The following KLHL29 variants were observed in gnomAD, a reference collection of about 807,000 sequenced individuals.
KLHL29 encodes kelch-like protein 29.
Under a neutral mutation model 80.4 loss-of-function variants are expected in KLHL29, and 21 were observed. The observed-to-expected ratio is 0.26, with a 90% CI of 0.19 to 0.38. The LOEUF is 0.38. Ranked by LOEUF, KLHL29 falls within the 10% of genes least tolerant of loss-of-function variation. The pLI, the probability that KLHL29 is intolerant of heterozygous loss-of-function variation, is 1.00. For missense variants in KLHL29, 867 were observed against 1,223.9 expected, an observed-to-expected ratio of 0.71 and a Z score of 4.35; for synonymous variants, 511 against 526.8, an observed-to-expected ratio of 0.97 and a Z score of 0.41.
chr2:23,437,108 G>C (rs1431640828), intron 1 of KLHL29, among the ~76,000 whole-genome samples: 4 of 152,208 alleles, frequency 2.6e-5, no homozygotes, highest in Non-Finnish European at 5.9e-5. Context: ...GAAAGCCCGG[G>C]TTCAGCGGAA....
intron 1 of KLHL29, among the ~76,000 whole-genome samples, chr2:23,395,233 C>G (rs766313325): frequency 2.6e-5 from 4 of 152,144 alleles, no homozygotes; most frequent in Non-Finnish European, 5.9e-5. Flanking sequence ...CAGTCCAGAG[C>G]AGAGAGAACC....
In KLHL29 at chr2:23,457,114, C is replaced by T. The variant is rs1006600174; in HGVS notation, c.-153-18446C>T. Among the ~76,000 whole-genome samples, 1 of 152,212 alleles carries T rather than the reference C, an allele frequency of 6.6e-6. No individual in the cohort carries two copies. Among genetic ancestry groups the T allele is most frequent in the Non-Finnish European group, 1.5e-5 (1 of 68,042 alleles). ...TGTGCCAGGCCCTGTGCCTTCCCGA[C>T]GCCGGGGACTGGAGCTAGAGGCATC... is the stretch of plus-strand genomic sequence containing the variant. On this transcript the variant is annotated intron_variant, in intron 1 of 13. Transcript: ENST00000486442. This position sits in a 1 kb window ranked among gnomAD's most constrained non-coding sequence, Gnocchi z 4.3.
chr2:23,684,191 G>A lies in KLHL29; in HGVS notation c.941-208G>A, dbSNP rs553026922. Among the ~76,000 whole-genome samples, 338 of 152,034 alleles carry A rather than the reference G, an allele frequency of 2.2e-3. No individual in the cohort carries two copies. Among genetic ancestry groups the A allele is most frequent in the African/African-American group, 7.8e-3 (324 of 41,452 alleles). The stretch of plus-strand genomic sequence containing the variant: ...TGCTTTTTAAAGTTGTGATTCCTTT[G>A]GTTATTAGCCCCTCCCAGTGGCTGC... On this transcript the variant is annotated intron_variant, in intron 5 of 13. Transcript: ENST00000486442. This position sits in a 1 kb window ranked among gnomAD's most constrained non-coding sequence, Gnocchi z 4.4.
intron 2 of KLHL29, among the ~76,000 whole-genome samples, chr2:23,492,877 C>T (rs903722287): frequency 1.7e-4 from 26 of 152,096 alleles, no homozygotes; most frequent in African/African-American, 6.0e-4. Context: ...CGTAGCCTCA[C>T]GATACTACGA....
rs539731397 is a variant in KLHL29 at position 23,512,524 on chromosome 2, G to T, written c.-46+36857G>T. ...AAGGATTAAGCTAATTATAAAAGAA[G>T]TTTAGAATGATATCTGGAATATAAG... On this transcript the variant is annotated intron_variant, in intron 2 of 13. Transcript: ENST00000486442. Among the ~76,000 whole-genome samples, 4 of 152,242 alleles carry T rather than the reference G, an allele frequency of 2.6e-5. No homozygotes were observed. In the South Asian group the frequency reaches 8.3e-4, roughly 32 times the overall value.
chr2:23,494,043 C>G (rs1446083082), intron 2 of KLHL29, among the ~76,000 whole-genome samples: 1 of 152,168 alleles, frequency 6.6e-6, no homozygotes, highest in Non-Finnish European at 1.5e-5. Flanking sequence ...AAACACATGG[C>G]ATCTACTCAA....
At chr2:23,461,886 G>A (rs903748863) in intron 1 of KLHL29, among the ~76,000 whole-genome samples, 7 of 151,836 alleles carry the variant, frequency 4.6e-5, no homozygotes, top group East Asian at 1.9e-4. Flanking sequence ...AGTGACACCC[G>A]CTTCTGACCC....
chr2:23,695,605 G>C lies in KLHL29; in HGVS notation c.1543-18G>C. 2 of 1,520,370 alleles carry C rather than the reference G, an allele frequency of 1.3e-6. No individual in the cohort carries two copies. Among genetic ancestry groups the C allele is most frequent in the African/African-American group, 2.8e-5 (2 of 71,938 alleles). The allele number at this position is 1,520,370 out of a possible 1,614,324, so 94.2% of individuals were successfully genotyped here. On this transcript the variant is annotated intron_variant, in intron 8 of 13. Transcript: ENST00000486442. The surrounding 1 kb of genome is among the most constrained non-coding windows in gnomAD (Gnocchi z 7.6). ...TCTCTTGCTAGTCTAAGAAGATTCTGTCTCCTGTACCCTGCAGTACGCGGC... is the reference window on the plus strand; with the variant it reads ...TCTCTTGCTAGTCTAAGAAGATTCTCTCTCCTGTACCCTGCAGTACGCGGC...
intron 3 of KLHL29, among the ~76,000 whole-genome samples, chr2:23,576,468 C>T (rs1358941614): frequency 6.6e-6 from 1 of 152,068 alleles, no homozygotes; most frequent in Non-Finnish European, 1.5e-5. Flanking sequence ...TAGAAGGGAA[C>T]GTTATGAATA....
chr2:23,683,798 G>A (rs994516219), intron 5 of KLHL29, among the ~76,000 whole-genome samples: 5 of 152,104 alleles, frequency 3.3e-5, no homozygotes, highest in African/African-American at 9.7e-5. Flanking sequence ...TTGCTTTCCC[G>A]AAAAGTCCCC....
At chr2:23,476,129 C>A (rs893139942) in intron 2 of KLHL29, among the ~76,000 whole-genome samples, 2 of 152,192 alleles carry the variant, frequency 1.3e-5, no homozygotes, top group Middle Eastern at 6.8e-3. Flanking sequence ...CCCGCTTCAG[C>A]CTCCCAAAGC....
chr2:23,552,056 G>C (rs551785298), intron 2 of KLHL29, among the ~76,000 whole-genome samples: 1 of 152,238 alleles, frequency 6.6e-6, no homozygotes, highest in Non-Finnish European at 1.5e-5. Flanking sequence ...TGTGTGGTTA[G>C]GGCACTTCCC....
chr2:23,442,608 C>T lies in KLHL29; in HGVS notation c.-153-32952C>T, dbSNP rs529449174. Among the ~76,000 whole-genome samples the T allele has an allele frequency of 9.1e-4, 139 of 152,280 alleles. 3 individuals are homozygous for T. The South Asian group carries it at 0.018, about 20-fold the overall frequency. On this transcript the variant is annotated intron_variant, in intron 1 of 13. Coordinates refer to ENST00000486442, the MANE Select transcript of KLHL29 (RefSeq NM_052920.2). ...AGAAGGAACATCCCTGCCAACACTTCTACTTCAGCCAAGTGAGACTCTTGT... is the reference window on the plus strand; with the variant it reads ...AGAAGGAACATCCCTGCCAACACTTTTACTTCAGCCAAGTGAGACTCTTGT...
At chr2:23,393,144 T>C (rs1666361179) in intron 1 of KLHL29, among the ~76,000 whole-genome samples, 1 of 150,564 alleles carries the variant, frequency 6.6e-6, no homozygotes, top group Admixed American at 6.6e-5. Flanking sequence ...TACCGATGCA[T>C]AGCCTGGTGC....
At position 23,693,413 on chromosome 2, in the gene KLHL29, C is replaced by G. The variant is rs2149207694; in HGVS notation, c.1427C>G (p.Ser476Cys). 6.4e-7 allele frequency: 1 copy of G among 1,551,752 alleles called. No homozygotes were observed. Residue 476 changes from serine to cysteine, a missense_variant, in exon 8 of 14, where the codon TCC (serine) becomes TGC (cysteine). By Grantham distance (112) the Ser-to-Cys change is moderately radical. Transcript: ENST00000486442. ...VAAQEEILSI[S>C]KDDFIAYVSN... ...GCCCAGGAGGAGATCCTCAGCATCTCCAAGGACGACTTCATCGCCTACGTC... is the reference window on the plus strand; with the variant it reads ...GCCCAGGAGGAGATCCTCAGCATCTGCAAGGACGACTTCATCGCCTACGTC...
At chr2:23,517,386 T>C (rs1665969388) in intron 2 of KLHL29, among the ~76,000 whole-genome samples, 1 of 152,110 alleles carries the variant, frequency 6.6e-6, no homozygotes, top group East Asian at 1.9e-4. Flanking sequence ...CTACTAAAAA[T>C]AGAAAAATTA....
intron 1 of KLHL29, among the ~76,000 whole-genome samples, chr2:23,400,855 A>G (rs1309606998): frequency 1.3e-5 from 2 of 152,306 alleles, no homozygotes; most frequent in East Asian, 1.9e-4. Flanking sequence ...GGAGGGGGAA[A>G]GCTACACCTT....
chr2:23,686,121 C>T (rs77452004), intron 6 of KLHL29, among the ~76,000 whole-genome samples: 6,309 of 144,440 alleles, frequency 0.044, 211 homozygotes, highest in East Asian at 0.17. Flanking sequence ...CATTCCAGGC[C>T]GGGGATGGGG....
At chr2:23,423,973 C>T (rs1366266380) in intron 1 of KLHL29, among the ~76,000 whole-genome samples, 1 of 151,844 alleles carries the variant, frequency 6.6e-6, no homozygotes, top group African/African-American at 2.4e-5. Flanking sequence ...AGCATCCGCT[C>T]TCTCTCCCTT....
Sources: gnomAD v4.1 joint callset for allele counts (sites outside exome capture counted in the v4.1 genomes callset) on GRCh38, gnomAD v4.1.1 for gene constraint, Gnocchi (gnomAD v3.1) non-coding constraint, MANE v1.5 for transcripts, NCBI Gene and HGNC (gene_info 2026-07-23, HGNC 2026-07-21) for gene names.